Variants in VPS13C observed in about 807,000 individuals in gnomAD.
VPS13C encodes the protein vacuolar protein sorting 13 homolog C, also known as intermembrane lipid transfer protein VPS13C.
A neutral mutation model predicts 456.8 loss-of-function variants in VPS13C; 358 were observed. The ratio of observed to expected loss-of-function variants is 0.78; its 90% confidence interval spans 0.72 to 0.86. VPS13C has a LOEUF of 0.86. Among genes scored for constraint, VPS13C ranks in the 40% least tolerant of loss-of-function variants. The pLI, the probability that VPS13C is intolerant of heterozygous loss-of-function variation, is 0.00. For synonymous variants in VPS13C, 1,578 were observed against 1,486.7 expected (o/e 1.06, Z -1.41); for missense variants, 4,818 against 4,385.4 (o/e 1.10, Z -2.79).
At chr15:61,929,455 G>A in intron 51 of VPS13C, 46 bp downstream of exon 51, 3 of 1,541,538 alleles carry the variant, frequency 1.9e-6, no homozygotes, top group African/African-American at 2.8e-5. Context: ...TGTAATTCTT[G>A]TCAAAATATA....
At chr15:61,911,308 A>G (rs2043295040) in intron 63 of VPS13C, among the ~76,000 whole-genome samples, 2 of 152,188 alleles carry the variant, frequency 1.3e-5, no homozygotes, top group Admixed American at 6.5e-5. Context: ...TTGATCTATA[A>G]CACCATGATT....
At chr15:62,006,307 A>G (rs2046842636) in intron 15 of VPS13C, among the ~76,000 whole-genome samples, 1 of 151,308 alleles carries the variant, frequency 6.6e-6, no homozygotes, top group East Asian at 1.9e-4. Flanking sequence ...TCCTGTGTCC[A>G]TGTGTTCTCA....
chr15:61,897,785 C>G (rs138241557), intron 66 of VPS13C, among the ~76,000 whole-genome samples: 3,647 of 152,060 alleles, frequency 0.024, 154 homozygotes, highest in African/African-American at 0.085. Context: ...AGAGCAACTC[C>G]AAGACACATA....
intron 16 of VPS13C, among the ~76,000 whole-genome samples, chr15:61,993,018 G>C (rs1392112639): frequency 6.6e-6 from 1 of 151,970 alleles, no homozygotes; most frequent in Non-Finnish European, 1.5e-5. Context: ...AGATAAAACC[G>C]AGCTTTTTTG....
chr15:61,916,336 T>C (rs1051703344), intron 60 of VPS13C, among the ~76,000 whole-genome samples: 1 of 152,210 alleles, frequency 6.6e-6, no homozygotes, highest in African/African-American at 2.4e-5. Flanking sequence ...ATTAGAGCTA[T>C]GTCATTAAAT....
rs909522693 is a variant in VPS13C, at chr15:61,865,474, G to A, written c.10864-1946C>T. On this transcript the variant is annotated intron_variant, in intron 81 of 84. Transcript: ENST00000644861. ...AGAAATGCTGTTTTAAACGTTGCAT[G>A]ATCATAAGTATGTGAACCAAAATGA... is the stretch of plus-strand genomic sequence containing the variant. 3.0e-6 allele frequency: 3 copies of A among 983,980 alleles called. No individual in the cohort carries two copies. In the African/African-American group the frequency reaches 5.3e-5, roughly 17 times the overall value. 61.0% of individuals were successfully genotyped at this position (983,980 alleles called of 1,614,324 possible).
At chr15:61,881,424 C>G in intron 71 of VPS13C, 139 bp downstream of exon 71, 1 of 814,958 alleles carries the variant, frequency 1.2e-6, no homozygotes, top group Non-Finnish European at 1.8e-6. Flanking sequence ...TAAAAGATTA[C>G]TTGACCAAAA....
Position 61,969,324 on chromosome 15 carries a change from G to A in VPS13C, c.2886C>T (p.Ile962=), listed in dbSNP as rs2045475369. The A allele has an allele frequency of 6.2e-7, 1 of 1,600,094 alleles. No homozygotes were observed. The highest frequency in any genetic ancestry group is 8.5e-7 in the Non-Finnish European group (1 of 1,174,348). The change falls in exon 28 of 85, where the codon ATC becomes ATT. Residue 962 remains isoleucine (I), a synonymous_variant. Transcript: ENST00000644861. ...DLTVVSYLKK[I]SLDYHEIEGS... is the part of the protein sequence containing the mutation. ...CTTCAATTTCATGATAATCCAAGCT[G>A]ATTTTCTTTAAATAAGATACCACAG... is the stretch of plus-strand genomic sequence containing the variant.
intron 78 of VPS13C, among the ~76,000 whole-genome samples, chr15:61,872,528 C>T (rs1895110167): frequency 6.6e-6 from 1 of 152,014 alleles, no homozygotes; most frequent in Admixed American, 6.6e-5. Context: ...ACTGTAACAC[C>T]CAACATTACA....
chr15:62,053,551 C>T (rs79842873), intron 1 of VPS13C, among the ~76,000 whole-genome samples: 8,436 of 152,200 alleles, frequency 0.055, 295 homozygotes, highest in Non-Finnish European at 0.087. Flanking sequence ...GTGGCAGTAC[C>T]ACTCATCCAA....
chr15:61,921,415 A>G (rs1883799727), intron 55 of VPS13C, among the ~76,000 whole-genome samples: 1 of 152,090 alleles, frequency 6.6e-6, no homozygotes, highest in Admixed American at 6.6e-5. Context: ...TCAAAAAACA[A>G]CATAAAAAGA....
At chr15:61,981,887 A>T (rs1379105152) in intron 21 of VPS13C, among the ~76,000 whole-genome samples, 1 of 149,292 alleles carries the variant, frequency 6.7e-6, no homozygotes, top group African/African-American at 2.5e-5. Flanking sequence ...AATAAAAAAT[A>T]AAAAAAAAAG....
chr15:61,972,723 G>T lies in VPS13C; in HGVS notation c.2659C>A (p.Gln887Lys). The T allele has an allele frequency of 1.2e-6, 2 of 1,612,678 alleles. No individual in the cohort carries two copies. The change falls in exon 27 of 85, where the codon CAG becomes AAG. Residue 887 changes from glutamine to lysine, a missense_variant. Transcript: ENST00000644861. ...GATCCTTTCATACTTTTACAAGTCTGTGGTTCTCCATCTTCAGCATCAAAA... is the reference window on the plus strand; with the variant it reads ...GATCCTTTCATACTTTTACAAGTCTTTGGTTCTCCATCTTCAGCATCAAAA... ...EYFDAEDGEP[Q>K]TCKSMKGSEL...
Position 61,907,320 on chromosome 15 carries a change from T to G in VPS13C, c.9049A>C (p.Thr3017Pro). Residue 3017 changes from threonine to proline, a missense_variant, in exon 66 of 85, where the codon ACC becomes CCC. Thr to Pro is a conservative substitution (Grantham distance 38, BLOSUM62 -1). Coordinates refer to ENST00000644861, the MANE Select transcript of VPS13C (RefSeq NM_020821.3). ...RLFAWADPTG[T>P]RKLTWTYAAN... The stretch of plus-strand genomic sequence containing the variant: ...GCATATGTCCATGTAAGTTTTCTGG[T>G]ACCAGTAGGATCTGCCCAGGCAAAA... 6.2e-7 allele frequency: 1 copy of G among 1,614,028 alleles called. No individual in the cohort carries two copies. Among genetic ancestry groups the G allele is most frequent in the Non-Finnish European group, 8.5e-7 (1 of 1,179,896 alleles).
chr15:62,007,444 T>A lies in VPS13C; in HGVS notation c.1154A>T (p.His385Leu). 6.3e-7 allele frequency: 1 copy of A among 1,598,064 alleles called. No homozygotes were observed. Among genetic ancestry groups the A allele is most frequent in the Non-Finnish European group, 8.5e-7 (1 of 1,174,354 alleles). The change falls in exon 15 of 85, where the codon CAT becomes CTT. Residue 385 changes from histidine (H) to leucine (L), a missense_variant. Physicochemically the swap from His to Leu is moderately conservative, Grantham distance 99. Coordinates refer to ENST00000644861, the MANE Select transcript of VPS13C (RefSeq NM_020821.3). ...KYAIDSVLEV[H>L]IRRYTQMWSW... ...CCACATCTGTGTATACCTTCTTATA[T>A]GAACTTCAAGAACAGAATCAATTGC...
At chr15:61,886,184 C>G (rs1449996237) in intron 67 of VPS13C, among the ~76,000 whole-genome samples, 2 of 152,160 alleles carry the variant, frequency 1.3e-5, no homozygotes, top group African/African-American at 4.8e-5. Context: ...CAGAAACTTA[C>G]TTTGCTTACA....
Position 61,972,738 on chromosome 15 carries a change from C to T in VPS13C, c.2644G>A (p.Glu882Lys). The T allele has an allele frequency of 6.2e-7, 1 of 1,612,138 alleles. No individual in the cohort carries two copies. Among genetic ancestry groups the T allele is most frequent in the Non-Finnish European group, 8.5e-7 (1 of 1,179,126 alleles). Reference sequence around the variant, plus strand: ...TTACAAGTCTGTGGTTCTCCATCTTCAGCATCAAAATACTCATCATCAGAC... The same window carrying T: ...TTACAAGTCTGTGGTTCTCCATCTTTAGCATCAAAATACTCATCATCAGAC... ...SESDDEYFDA[E>K]DGEPQTCKSM... The change falls in exon 27 of 85, where the codon GAA becomes AAA. Residue 882 changes from glutamate (E) to lysine (K), a missense_variant. This residue lies in a region of VPS13C where 4,552 missense variants were observed against 4,130.6 expected (regional missense o/e 1.10). Transcript: ENST00000644861.
At chr15:61,873,560 T>G in intron 77 of VPS13C, 151 bp from the exon 78 acceptor site, 1 of 711,620 alleles carries the variant, frequency 1.4e-6, no homozygotes. Flanking sequence ...AACAAGTATA[T>G]GAAAAAATGT....
chr15:61,929,729 C>A lies in VPS13C; in HGVS notation c.6058G>T (p.Asp2020Tyr). ...ATCATAGAACTGTTGTTATCTTGGT[C>A]ATTCTTTCTGTCAATCATTCTGAAA... The part of the protein sequence containing the change: ...ATSRMIDRKN[D>Y]QDNNSSMIDI... Residue 2020 changes from aspartate to tyrosine, a missense_variant, in exon 51 of 85, where the codon GAC becomes TAC. Asp to Tyr is a radical substitution (Grantham distance 160). Coordinates refer to ENST00000644861, the MANE Select transcript of VPS13C (RefSeq NM_020821.3). The A allele has an allele frequency of 1.2e-6, 2 of 1,611,596 alleles. No individual in the cohort carries two copies. The highest frequency in any genetic ancestry group is 2.2e-5 in the South Asian group (2 of 90,678).
Sources: gnomAD v4.1 joint callset for allele counts (sites outside exome capture counted in the v4.1 genomes callset) on GRCh38, gnomAD v4.1.1 for gene constraint, gnomAD v4.1.1 regional missense constraint, MANE v1.5 for transcripts, NCBI Gene and HGNC (gene_info 2026-07-23, HGNC 2026-07-21) for gene names.